The following PAPPA2 variants were observed in gnomAD, a reference collection of about 807,000 sequenced individuals.
PAPPA2 encodes pappalysin-2.
Under a neutral mutation model 176.4 loss-of-function variants are expected in PAPPA2, and 86 were observed. The ratio of observed to expected loss-of-function variants is 0.49; its 90% confidence interval spans 0.41 to 0.58. The LOEUF (loss-of-function observed/expected upper bound fraction) is 0.58. PAPPA2 is among the 20% of genes least tolerant of loss of function. The pLI, the probability that PAPPA2 is intolerant of heterozygous loss-of-function variation, is 0.00. For missense variants in PAPPA2, 2,073 were observed against 2,256.9 expected, an observed-to-expected ratio of 0.92 and a Z score of 1.65; for synonymous variants, 809 against 852.2, an observed-to-expected ratio of 0.95 and a Z score of 0.88.
chr1:176,546,175 C>T (rs1650625372), intron 1 of PAPPA2, among the ~76,000 whole-genome samples: 1 of 152,154 alleles, frequency 6.6e-6, no homozygotes, highest in Non-Finnish European at 1.5e-5. Flanking sequence ...GGGCTGCTTC[C>T]TGGACAGCTG....
chr1:176,593,461 A>T (rs1238255788), intron 2 of PAPPA2, among the ~76,000 whole-genome samples: 1 of 152,194 alleles, frequency 6.6e-6, no homozygotes, highest in Non-Finnish European at 1.5e-5. Flanking sequence ...TGATGTACTG[A>T]CTTCATGTGA....
chr1:176,579,418 C>A (rs1024689072), intron 2 of PAPPA2, among the ~76,000 whole-genome samples: 2 of 152,140 alleles, frequency 1.3e-5, no homozygotes, highest in Non-Finnish European at 2.9e-5. Flanking sequence ...CAGGGCCACC[C>A]AGAAATTTTA....
intron 17 of PAPPA2, 64 bp downstream of exon 17, chr1:176,771,244 C>T (rs1245209117): frequency 2.6e-6 from 4 of 1,518,082 alleles, no homozygotes; most frequent in Non-Finnish European, 3.6e-6. Context: ...GTTTGTTTTT[C>T]TGTATAATCT....
At chr1:176,633,122 G>A (rs1656444094) in intron 3 of PAPPA2, among the ~76,000 whole-genome samples, 1 of 152,194 alleles carries the variant, frequency 6.6e-6, no homozygotes, top group Admixed American at 6.5e-5. Context: ...AGAGAGGTAA[G>A]TCACTTGCTG....
At chr1:176,766,745 C>T (rs1663986280) in intron 15 of PAPPA2, among the ~76,000 whole-genome samples, 1 of 152,000 alleles carries the variant, frequency 6.6e-6, no homozygotes, top group South Asian at 2.1e-4. Context: ...AAATTTTAAA[C>T]ATAAAATCAG....
At position 176,769,723 on chromosome 1, in the gene PAPPA2, A is replaced by G. The variant is rs1664138286; in HGVS notation, c.4440A>G (p.Ser1480=). Residue 1480 remains serine (S), a synonymous_variant, in exon 16 of 23, where the codon TCA becomes TCG. Coordinates refer to ENST00000367662, the MANE Select transcript of PAPPA2 (RefSeq NM_020318.3). ...SLVNYANFSC[S]EGTKFLKRCS... ...TGAACTATGCAAACTTCTCCTGCTC[A>G]GAGGGAACCAAATTTCTGAAACGCT... 6.2e-7 allele frequency: 1 copy of G among 1,613,518 alleles called. No homozygotes were observed. The highest frequency in any genetic ancestry group is 8.5e-7 in the Non-Finnish European group (1 of 1,179,878).
chr1:176,773,872 C>T (rs1245449173), intron 17 of PAPPA2, among the ~76,000 whole-genome samples: 1 of 152,040 alleles, frequency 6.6e-6, no homozygotes. Context: ...CTGGATTTGA[C>T]TTCCTCTGAT....
At chr1:176,532,255 G>A (rs1041142466) in intron 1 of PAPPA2, among the ~76,000 whole-genome samples, 5 of 152,198 alleles carry the variant, frequency 3.3e-5, no homozygotes, top group Non-Finnish European at 7.3e-5. Flanking sequence ...GAAGAGGTAA[G>A]CTTTTATGCC....
chr1:176,832,955 T>A (rs1667133365), intron 21 of PAPPA2, among the ~76,000 whole-genome samples: 1 of 152,120 alleles, frequency 6.6e-6, no homozygotes, highest in Non-Finnish European at 1.5e-5. Flanking sequence ...CATTTGCCTT[T>A]TTAGAGGGTC....
intron 21 of PAPPA2, among the ~76,000 whole-genome samples, chr1:176,808,147 A>T (rs963141341): frequency 4.6e-5 from 7 of 152,022 alleles, no homozygotes; most frequent in African/African-American, 1.7e-4. Context: ...TATAGTGTAA[A>T]AAAAAAAATG....
Position 176,769,914 on chromosome 1 carries a change from A to G in PAPPA2, c.4501+130A>G, listed in dbSNP as rs982592037. 7 of 1,040,876 alleles carry G rather than the reference A, an allele frequency of 6.7e-6. No individual in the cohort carries two copies. The African/African-American group carries it at 1.1e-4, about 17-fold the overall frequency. The allele number at this position is 1,040,876 out of a possible 1,614,324, so 64.5% of individuals were successfully genotyped here. On this transcript the variant is annotated intron_variant, in intron 16 of 22. Transcript: ENST00000367662. ...TCCACTGTGTCACCATCTTCTGATA[A>G]CTCCAGAAAAGTCCCAAAAGGCAAC... is the stretch of plus-strand genomic sequence containing the variant.
At chr1:176,708,769 A>G (rs1661001531) in intron 10 of PAPPA2, among the ~76,000 whole-genome samples, 1 of 152,108 alleles carries the variant, frequency 6.6e-6, no homozygotes, top group South Asian at 2.1e-4. Context: ...CTATATATTG[A>G]TGGACAGCTG....
chr1:176,736,428 T>C (rs1292914371), intron 12 of PAPPA2, among the ~76,000 whole-genome samples: 1 of 150,274 alleles, frequency 6.7e-6, no homozygotes, highest in Non-Finnish European at 1.5e-5. Flanking sequence ...ATTCCTCATT[T>C]AAATATATTT....
rs74127215 is a variant in PAPPA2, at chr1:176,633,334, C to T, written c.1992-37636C>T. Among the ~76,000 whole-genome samples, 926 of 152,194 alleles carry T rather than the reference C, an allele frequency of 6.1e-3. 15 individuals are homozygous for T. The highest frequency in any genetic ancestry group is 0.019 in the African/African-American group (781 of 41,528). On this transcript the variant is annotated intron_variant, in intron 3 of 22. Coordinates refer to ENST00000367662, the MANE Select transcript of PAPPA2 (RefSeq NM_020318.3). The stretch of plus-strand genomic sequence containing the variant: ...TGAGGAGGTTAAGAAACAAGCAAGA[C>T]CTCAGAGGATCAACAGGACTCAGTG...
chr1:176,511,204 C>G (rs1648580715), intron 1 of PAPPA2, among the ~76,000 whole-genome samples: 1 of 152,048 alleles, frequency 6.6e-6, no homozygotes, highest in Admixed American at 6.6e-5. Context: ...CATTCAAACA[C>G]TAATCAAATG....
chr1:176,532,224 G>A (rs976487955), intron 1 of PAPPA2, among the ~76,000 whole-genome samples: 4 of 152,128 alleles, frequency 2.6e-5, no homozygotes, highest in African/African-American at 9.7e-5. Flanking sequence ...AAGAATTATG[G>A]GCCCAAAGTT....
chr1:176,778,312 G>A (rs548704051), intron 17 of PAPPA2, among the ~76,000 whole-genome samples: 2 of 152,038 alleles, frequency 1.3e-5, no homozygotes, highest in African/African-American at 4.8e-5. Context: ...GAAAGAGGGG[G>A]AAAAAGAAAC....
At chr1:176,829,527 C>G (rs1468725930) in intron 21 of PAPPA2, among the ~76,000 whole-genome samples, 1 of 152,210 alleles carries the variant, frequency 6.6e-6, no homozygotes, top group Non-Finnish European at 1.5e-5. Flanking sequence ...AGGCCTGCCT[C>G]AGCCTCCCAT....
At chr1:176,800,164 T>A in intron 21 of PAPPA2, 32 bp downstream of exon 21, 3 of 1,606,678 alleles carry the variant, frequency 1.9e-6, no homozygotes, top group Non-Finnish European at 2.6e-6. Context: ...CAACTCAGAC[T>A]AGAGAACTCA....
Sources: allele counts gnomAD v4.1 joint callset (sites outside exome capture counted in the v4.1 genomes callset), GRCh38; gene constraint gnomAD v4.1.1; transcripts MANE v1.5; gene names NCBI Gene and HGNC (gene_info 2026-07-23, HGNC 2026-07-21).